DMD: variants seen among roughly 807,000 people sequenced by gnomAD.
DMD encodes dystrophin, also known as mutant dystrophin.
In DMD, 63 loss-of-function variants were observed where a neutral mutation model predicts 330.1. The observed-to-expected ratio is 0.19, with a 90% confidence interval of 0.16 to 0.24. DMD has a LOEUF of 0.24. Among genes scored for constraint, DMD ranks in the 10% least tolerant of loss-of-function variants. The probability of loss-of-function intolerance (pLI) is 1.00; values close to 1 mark genes in which losing one functional copy is unlikely to be tolerated. For missense variants in DMD, 3,344 were observed against 2,684.1 expected, an observed-to-expected ratio of 1.25 and a Z score of -5.43; for synonymous variants, 1,223 against 959.8, an observed-to-expected ratio of 1.27 and a Z score of -5.07.
chrX:32,789,737 A>AG (rs1259121777), intron 7 of DMD, among the ~76,000 whole-genome samples: 1 of 110,326 alleles, frequency 9.1e-6, no homozygotes, highest in Non-Finnish European at 1.9e-5. Flanking sequence ...ACAAGACATA[A>AG]GATAAAGTAT....
At chrX:31,200,738 A>G (rs2043348700) in intron 67 of DMD, among the ~76,000 whole-genome samples, 1 of 111,351 alleles carries the variant, frequency 9.0e-6, no homozygotes, top group Admixed American at 9.6e-5. Flanking sequence ...CTTTTCTCTA[A>G]AACTAGTATG....
rs1193368413 is a variant in DMD, at chrX:32,252,663, A to AAT, written c.6290+34864_6290+34865dup. ...AAATATATATAAATACAAATATATA[A>AAT]ATATATATATATAAATATATAAATA... On this transcript the variant is annotated intron_variant, in intron 43 of 78. Transcript: ENST00000357033. 5.5e-4 allele frequency among the ~76,000 whole-genome samples: 22 copies of AAT among 40,327 alleles called. 1 individual carries two copies. The highest frequency in any genetic ancestry group is 4.3e-3 in the South Asian group (3 of 691). The allele number at this position is 40,327 out of a possible 115,157, so 35.0% of individuals were successfully genotyped here. A position where few individuals can be genotyped will look rare whatever the true frequency, so the allele number is the denominator to read the frequency against.
intron 2 of DMD, among the ~76,000 whole-genome samples, chrX:33,006,286 C>T (rs1177576743): frequency 9.0e-6 from 1 of 111,480 alleles, no homozygotes; most frequent in Non-Finnish European, 1.9e-5. Context: ...CAGAATAACC[C>T]ACACAATATT....
intron 54 of DMD, among the ~76,000 whole-genome samples, chrX:31,631,034 G>A (rs1303603038): frequency 9.0e-6 from 1 of 111,346 alleles, no homozygotes; most frequent in African/African-American, 3.3e-5. Flanking sequence ...AGGGCAGCAT[G>A]AAACAGTGTT....
At chrX:33,148,826 C>T (rs1230862164) in intron 1 of DMD, among the ~76,000 whole-genome samples, 1 of 111,782 alleles carries the variant, frequency 8.9e-6, no homozygotes, top group Non-Finnish European at 1.9e-5. Context: ...CTAGAAATCT[C>T]TCTATGAGAG....
At chrX:31,569,403 A>C (rs1163824560) in intron 55 of DMD, among the ~76,000 whole-genome samples, 3 of 108,149 alleles carry the variant, frequency 2.8e-5, no homozygotes, top group Admixed American at 1.0e-4. Context: ...TGTACGTTTA[A>C]AAGTCAATTT....
intron 1 of DMD, among the ~76,000 whole-genome samples, chrX:33,110,385 A>T (rs2095330434): frequency 9.0e-6 from 1 of 111,684 alleles, no homozygotes; most frequent in African/African-American, 3.3e-5. Context: ...TATAAAAAAC[A>T]AAGGAAATTA....
chrX:32,827,788 A>C (rs1034902526), intron 4 of DMD, among the ~76,000 whole-genome samples: 28 of 109,319 alleles, frequency 2.6e-4, no homozygotes, highest in African/African-American at 9.3e-4. Flanking sequence ...CAGCCTCCCA[A>C]GTAGCTGGGA....
intron 11 of DMD, among the ~76,000 whole-genome samples, chrX:32,616,852 T>C (rs2057620973): frequency 9.2e-6 from 1 of 108,714 alleles, no homozygotes; most frequent in Admixed American, 9.9e-5. Flanking sequence ...TAAATACTTC[T>C]ATATATAATT....
intron 9 of DMD, among the ~76,000 whole-genome samples, chrX:32,655,132 T>C (rs892089045): frequency 8.9e-6 from 1 of 111,962 alleles, no homozygotes; most frequent in Non-Finnish European, 1.9e-5. Context: ...TGTGTCTCTA[T>C]TTCCTTCAGT....
At chrX:32,833,532 A>G (rs2148909722) in intron 4 of DMD, among the ~76,000 whole-genome samples, 1 of 109,796 alleles carries the variant, frequency 9.1e-6, no homozygotes, top group Admixed American at 9.9e-5. Flanking sequence ...TACTTTCACA[A>G]TTTAGTATGA....
chrX:31,837,228 A>G (rs1458576466), intron 48 of DMD, among the ~76,000 whole-genome samples: 1 of 112,350 alleles, frequency 8.9e-6, no homozygotes, highest in East Asian at 2.8e-4. Flanking sequence ...TATTGGATAT[A>G]AATTTTGTTT....
chrX:32,304,140 A>T (rs1373311851), intron 42 of DMD, among the ~76,000 whole-genome samples: 1 of 111,429 alleles, frequency 9.0e-6, no homozygotes, highest in Non-Finnish European at 1.9e-5. Context: ...TATCACACAT[A>T]AAAAACGACA....
intron 44 of DMD, among the ~76,000 whole-genome samples, chrX:32,178,940 TTCTCTCTCTCTCTC>T (rs528690053): frequency 0.02 from 1,363 of 68,610 alleles, 11 homozygotes; most frequent in African/African-American, 0.041. Context: ...AAACCCCAGA[TTCTCTCTCTCTCTC>T]TCTCTCTCTC....
chrX:31,234,431 T>G (rs16989464), intron 63 of DMD, among the ~76,000 whole-genome samples: 9,576 of 112,260 alleles, frequency 0.085, 997 homozygotes, highest in African/African-American at 0.29. Context: ...GCCAAAAATA[T>G]TGCCTTAATA....
At chrX:31,873,870 G>A (rs1246430617) in intron 48 of DMD, among the ~76,000 whole-genome samples, 2 of 111,653 alleles carry the variant, frequency 1.8e-5, no homozygotes, top group Non-Finnish European at 3.8e-5. Context: ...TATTCTGGGT[G>A]TCTTGGTACT....
intron 63 of DMD, among the ~76,000 whole-genome samples, chrX:31,253,422 TA>T (rs200413271): frequency 0.013 from 1,478 of 111,794 alleles, 20 homozygotes; most frequent in African/African-American, 0.046. Context: ...GACAAGCTCC[TA>T]ATGCAAAAGG....
chrX:32,158,204 A>C (rs2096837038), intron 44 of DMD, among the ~76,000 whole-genome samples: 1 of 110,742 alleles, frequency 9.0e-6, no homozygotes, highest in African/African-American at 3.3e-5. Context: ...AGTGATGAGA[A>C]TGGAATAGAT....
intron 29 of DMD, among the ~76,000 whole-genome samples, chrX:32,430,835 T>G (rs66882555): frequency 9.0e-6 from 1 of 111,700 alleles, no homozygotes; most frequent in South Asian, 3.7e-4. Context: ...GCTTACTTCA[T>G]GTAGCATAAT....
Sources: gnomAD v4.1 joint callset for allele counts (sites outside exome capture counted in the v4.1 genomes callset) on GRCh38, gnomAD v4.1.1 for gene constraint, MANE v1.5 for transcripts, NCBI Gene and HGNC (gene_info 2026-07-23, HGNC 2026-07-21) for gene names.